MYOM1: variants seen among roughly 807,000 people sequenced by gnomAD.
MYOM1 encodes the protein myomesin 1.
MYOM1 carries 164 observed loss-of-function variants against 205.3 expected under a neutral mutation model. That is an observed-to-expected ratio of 0.80 (90% CI 0.70 to 0.91). The LOEUF (loss-of-function observed/expected upper bound fraction) is 0.91. Ranked by LOEUF, MYOM1 falls within the 40% of genes least tolerant of loss-of-function variation. The pLI is 0.00. For synonymous variants in MYOM1, 772 were observed against 789.4 expected, an observed-to-expected ratio of 0.98 and a Z score of 0.37; for missense variants, 2,011 against 2,127.3, an observed-to-expected ratio of 0.95 and a Z score of 1.08.
intron 28 of MYOM1, 101 bp downstream of exon 28, chr18:3,089,436 C>T (rs915574126): frequency 2.3e-5 from 20 of 869,976 alleles, no homozygotes; most frequent in Non-Finnish European, 3.5e-5. Context: ...GCATTATTAA[C>T]ATAATCAATA....
At chr18:3,196,701 C>T (rs2080992891) in intron 2 of MYOM1, among the ~76,000 whole-genome samples, 1 of 152,254 alleles carries the variant, frequency 6.6e-6, no homozygotes, top group South Asian at 2.1e-4. Context: ...AATATGTCTA[C>T]AGTTAACAGA....
At chr18:3,118,474 A>G (rs1237382787) in intron 20 of MYOM1, among the ~76,000 whole-genome samples, 4 of 151,972 alleles carry the variant, frequency 2.6e-5, no homozygotes, top group Non-Finnish European at 4.4e-5. Flanking sequence ...CTGGGACTAC[A>G]GGCATGCACC....
intron 12 of MYOM1, among the ~76,000 whole-genome samples, chr18:3,150,154 G>C (rs2080196738): frequency 1.3e-5 from 2 of 152,252 alleles, no homozygotes; most frequent in South Asian, 4.2e-4. Flanking sequence ...CCGCCTCCCG[G>C]GTTCAAATGA....
chr18:3,151,702 C>A lies in MYOM1; in HGVS notation c.1835G>T (p.Arg612Ile). Reference protein sequence around the residue: ...VAALDPAEKARLKSRPSAPWT... With the variant: ...VAALDPAEKAILKSRPSAPWT... ...AAATGAAAAGTGCTTACTTTTAAGT[C>A]TAGCTTTCTCAGCCGGATCCAGAGC... The change falls in exon 12 of 38, where the codon AGA becomes ATA. Residue 612 changes from arginine (R) to isoleucine (I), a missense_variant. Arg to Ile is a moderately conservative substitution (Grantham distance 97). Coordinates refer to ENST00000356443, the MANE Select transcript of MYOM1 (RefSeq NM_003803.4). 1 of 1,612,672 alleles carries A rather than the reference C, an allele frequency of 6.2e-7. No homozygotes were observed. Among genetic ancestry groups the A allele is most frequent in the Non-Finnish European group, 8.5e-7 (1 of 1,179,070 alleles).
the MYOM1 span, among the ~76,000 whole-genome samples, chr18:3,244,203 G>A: frequency 6.6e-6 from 1 of 152,026 alleles, no homozygotes. Context: ...TCCAGACATC[G>A]CCAAATGTTC....
At chr18:3,144,690 A>G (rs1428937068) in intron 13 of MYOM1, among the ~76,000 whole-genome samples, 2 of 152,226 alleles carry the variant, frequency 1.3e-5, no homozygotes, top group African/African-American at 4.8e-5. Context: ...TAGCTATATT[A>G]AAAGTAGATT....
At chr18:3,146,698 C>T (rs1435821433) in intron 13 of MYOM1, among the ~76,000 whole-genome samples, 1 of 151,968 alleles carries the variant, frequency 6.6e-6, no homozygotes, top group East Asian at 1.9e-4. Context: ...TTCCCCCTGA[C>T]ATCAGGAAAA....
At chr18:3,117,017 C>T (rs188663013) in intron 20 of MYOM1, among the ~76,000 whole-genome samples, 3 of 152,128 alleles carry the variant, frequency 2.0e-5, no homozygotes, top group African/African-American at 7.2e-5. Context: ...CCACCACACC[C>T]GGCTAATTTT....
rs1270605796 is a variant in MYOM1 at position 3,135,487 on chromosome 18, T to C, written c.2209+60A>G. ...ATTTTTACTCCTGGCCAAATATACA[T>C]ATACTAGATCCTTGCTTTGAAATTT... On this transcript the variant is annotated intron_variant, in intron 15 of 37. Transcript: ENST00000356443. The surrounding 1 kb of genome is among the most constrained non-coding windows in gnomAD (Gnocchi z 4.1). The C allele has an allele frequency of 3.4e-5, 51 of 1,493,460 alleles. No individual in the cohort carries two copies. The highest frequency in any genetic ancestry group is 4.2e-5 in the Non-Finnish European group (46 of 1,101,476). 92.5% of individuals were successfully genotyped at this position (1,493,460 alleles called of 1,614,324 possible).
chr18:3,173,778 T>TA (rs1476124204), intron 8 of MYOM1, among the ~76,000 whole-genome samples, 160 bp downstream of exon 8: 1 of 152,008 alleles, frequency 6.6e-6, no homozygotes, highest in Non-Finnish European at 1.5e-5. Context: ...CCAAAAAATC[T>TA]AAAAAAATAA....
chr18:3,072,972 C>CTTTT (rs1290773371), intron 36 of MYOM1, among the ~76,000 whole-genome samples: 1 of 91,808 alleles, frequency 1.1e-5, no homozygotes, highest in Non-Finnish European at 2.2e-5. Flanking sequence ...CAGATGTAAG[C>CTTTT]ATTTTTTTTT....
rs145139495 is a variant in MYOM1, at chr18:3,130,244, T to G, written c.2507-725A>C. ...TTTCAGTAGAGACAGGGTTTAGCCA[T>G]GTAGGCCAGGTTGATCTCAAACTCC... On this transcript the variant is annotated intron_variant, in intron 17 of 37. Transcript: ENST00000356443. Among the ~76,000 whole-genome samples, 942 of 152,082 alleles carry G rather than the reference T, an allele frequency of 6.2e-3. 10 individuals are homozygous for G. Among genetic ancestry groups the G allele is most frequent in the African/African-American group, 0.022 (904 of 41,468 alleles).
chr18:3,183,175 C>T (rs2080763309), intron 5 of MYOM1, among the ~76,000 whole-genome samples: 1 of 152,098 alleles, frequency 6.6e-6, no homozygotes, highest in Non-Finnish European at 1.5e-5. Context: ...GTCATCCGCC[C>T]GACTCGGCCT....
chr18:3,116,597 C>T, intron 20 of MYOM1, 82 bp from the exon 21 acceptor site: 1 of 1,253,172 alleles, frequency 8.0e-7, no homozygotes, highest in Non-Finnish European at 1.1e-6. Context: ...TGTAAGTCTT[C>T]AAGCTAATCT....
intron 5 of MYOM1, among the ~76,000 whole-genome samples, chr18:3,186,784 GAGAGAGAA>G (rs796608410): frequency 2.8e-4 from 34 of 120,524 alleles, no homozygotes; most frequent in African/African-American, 1.2e-3. Context: ...GAAGGAAGGA[GAGAGAGAA>G]AGAAAGAAAG....
intron 37 of MYOM1, 150 bp downstream of exon 37, chr18:3,071,684 G>A (rs1413178093): frequency 1.3e-6 from 1 of 755,644 alleles, no homozygotes; most frequent in Non-Finnish European, 2.2e-6. Flanking sequence ...TTAACCTTGT[G>A]TTTGGTTACT....
At chr18:3,184,419 C>G (rs373596189) in intron 5 of MYOM1, among the ~76,000 whole-genome samples, 1 of 152,186 alleles carries the variant, frequency 6.6e-6, no homozygotes, top group East Asian at 1.9e-4. Context: ...CAGCTTCATG[C>G]CAACAAAACC....
At chr18:3,235,048 C>A in the MYOM1 span, among the ~76,000 whole-genome samples, 7 of 152,106 alleles carry the variant, frequency 4.6e-5, no homozygotes, top group Non-Finnish European at 8.8e-5. Context: ...TAAGCCACTG[C>A]GCCTGGCCCG....
chr18:3,127,303 A>T (rs1392584028), intron 18 of MYOM1, among the ~76,000 whole-genome samples: 287 of 48,788 alleles, frequency 5.9e-3, no homozygotes, highest in African/African-American at 0.015. Context: ...ATATATATAT[A>T]TATTTTTTTT....
Sources: allele counts gnomAD v4.1 joint callset (sites outside exome capture counted in the v4.1 genomes callset), GRCh38; gene constraint gnomAD v4.1.1; non-coding constraint Gnocchi (gnomAD v3.1); transcripts MANE v1.5; gene names NCBI Gene and HGNC (gene_info 2026-07-23, HGNC 2026-07-21).